GPC2: variants seen among roughly 807,000 people sequenced by gnomAD.
GPC2 encodes the protein glypican 2.
A neutral mutation model predicts 57.3 loss-of-function variants in GPC2; 42 were observed. The observed-to-expected ratio is 0.73, with a 90% confidence interval of 0.57 to 0.95. GPC2 has a LOEUF of 0.95. GPC2 is among the 40% of genes least tolerant of loss of function. The pLI is 0.00. For synonymous variants in GPC2, 364 were observed against 343.4 expected, an observed-to-expected ratio of 1.06 and a Z score of -0.66; for missense variants, 745 against 793.6, an observed-to-expected ratio of 0.94 and a Z score of 0.74.
rs759375084 is a variant in GPC2 at position 100,171,894 on chromosome 7, A to C, written c.1055T>G (p.Val352Gly). The C allele has an allele frequency of 2.1e-5, 32 of 1,506,146 alleles. No homozygotes were observed. In the African/African-American group the frequency reaches 3.6e-4, roughly 17 times the overall value. The allele number at this position is 1,506,146 out of a possible 1,614,324, so 93.3% of individuals were successfully genotyped here. ...CGGGGCTCGACGGTTGCGGGCAGGC[A>C]CCGGGTCGGGGGGGCCGCACTCCTG... The part of the protein sequence containing the change: ...VFQECGPPDP[V>G]PARNRRAPPP... The change falls in exon 7 of 10, where the codon GTG (valine) becomes GGG (glycine). Residue 352 changes from valine (V) to glycine (G), a missense_variant. This residue lies in a region of GPC2 where 607 missense variants were observed against 603.9 expected (regional missense o/e 1.01). Transcript: ENST00000292377. This position sits in a 1 kb window ranked among gnomAD's most constrained non-coding sequence, Gnocchi z 4.8.
chr7:100,170,452 C>G lies in GPC2; in HGVS notation c.1518G>C (p.Gln506His). 6.4e-7 allele frequency: 1 copy of G among 1,572,724 alleles called. No individual in the cohort carries two copies. Among genetic ancestry groups the G allele is most frequent in the Non-Finnish European group, 8.6e-7 (1 of 1,156,364 alleles). Residue 506 changes from glutamine to histidine, a missense_variant, in exon 10 of 10, where the codon CAG becomes CAC. This residue lies in a region of GPC2 where 607 missense variants were observed against 603.9 expected (regional missense o/e 1.01). Transcript: ENST00000292377. ...DEDASGSGGG[Q>H]QYADDWMAGA... ...CAGCCATCCAGTCATCTGCATACTG[C>G]TGTCCCCCTCCAGAGCCGCTGGCAT...
chr7:100,171,055 C>G lies in GPC2; in HGVS notation c.1486+206G>C. 2.1e-6 allele frequency: 1 copy of G among 475,654 alleles called. No individual in the cohort carries two copies. Among genetic ancestry groups the G allele is most frequent in the African/African-American group, 2.0e-5 (1 of 49,128 alleles). The allele number at this position is 475,654 out of a possible 1,614,324, so 29.5% of individuals were successfully genotyped here. A position where few individuals can be genotyped will look rare whatever the true frequency, so the allele number is the denominator to read the frequency against. ...GTTCTTTAAGAATGTTTTCGTGTCT[C>G]CCCTACTGGCCTGAAAGGATACAGA... On this transcript the variant is annotated intron_variant, in intron 9 of 9. Transcript: ENST00000292377. The surrounding 1 kb of genome is among the most constrained non-coding windows in gnomAD (Gnocchi z 4.8).
Position 100,172,659 on chromosome 7 carries a change from GTA to G in GPC2, c.893-444_893-443del, listed in dbSNP as rs1236556611. Among the ~76,000 whole-genome samples, 523 of 130,216 alleles carry G rather than the reference GTA, an allele frequency of 4.0e-3. 5 individuals are homozygous for G. The highest frequency in any genetic ancestry group is 0.013 in the African/African-American group (475 of 37,220). 85.4% of individuals were successfully genotyped at this position (130,216 alleles called of 152,430 possible). Reference sequence around the variant, plus strand: ...TTTGTATATATATATATGTGTGTGTGTATATATATATATGTGTGTGTGTGTGT... The same window carrying G: ...TTTGTATATATATATATGTGTGTGTGTATATATATATGTGTGTGTGTGTGT... On this transcript the variant is annotated intron_variant, in intron 5 of 9. Coordinates refer to ENST00000292377, the MANE Select transcript of GPC2 (RefSeq NM_152742.3).
At chr7:100,170,518 G>A in intron 9 of GPC2, 35 bp from the exon 10 acceptor site, 1 of 1,438,574 alleles carries the variant, frequency 7.0e-7, no homozygotes, top group Non-Finnish European at 9.2e-7. Context: ...CAGGATGGGA[G>A]GGAGAAGCAG....
In GPC2 at chr7:100,176,427, C is replaced by T. The variant is rs1006717280; in HGVS notation, c.167-62G>A. 5.4e-5 allele frequency: 82 copies of T among 1,504,840 alleles called. No individual in the cohort carries two copies. The Admixed American group carries it at 8.3e-4, about 15-fold the overall frequency. 93.2% of individuals were successfully genotyped at this position (1,504,840 alleles called of 1,614,324 possible). ...ATATCCTAAAATCCCTTCCATTTCC[C>T]GCCTATCTCTGGGGACTATGCCTTC... On this transcript the variant is annotated intron_variant, in intron 1 of 9. Coordinates refer to ENST00000292377, the MANE Select transcript of GPC2 (RefSeq NM_152742.3).
In GPC2 at chr7:100,171,655, C is replaced by G. The variant is rs1351624945; in HGVS notation, c.1194G>C (p.Leu398=). ...HRLVWELRER[L]ARMRGFWARL... ...GGGCCCAGAAGCCCCGCATCCGGGCCAGACGCTCGCGGAGCTCCCACACCT... is the reference window on the plus strand; with the variant it reads ...GGGCCCAGAAGCCCCGCATCCGGGCGAGACGCTCGCGGAGCTCCCACACCT... The change falls in exon 8 of 10, where the codon CTG becomes CTC. Residue 398 remains leucine (L), a synonymous_variant. Coordinates refer to ENST00000292377, the MANE Select transcript of GPC2 (RefSeq NM_152742.3). This position sits in a 1 kb window ranked among gnomAD's most constrained non-coding sequence, Gnocchi z 4.8. 1 of 1,513,616 alleles carries G rather than the reference C, an allele frequency of 6.6e-7. No individual in the cohort carries two copies. The highest frequency in any genetic ancestry group is 8.8e-7 in the Non-Finnish European group (1 of 1,141,924). The allele number at this position is 1,513,616 out of a possible 1,614,324, so 93.8% of individuals were successfully genotyped here.
chr7:100,170,070 T>C lies in GPC2; in HGVS notation c.*160A>G. 8.9e-6 allele frequency: 5 copies of C among 560,990 alleles called. No individual in the cohort carries two copies. Among genetic ancestry groups the C allele is most frequent in the Non-Finnish European group, 8.9e-6 (3 of 336,020 alleles). 34.8% of individuals were successfully genotyped at this position (560,990 alleles called of 1,614,324 possible). A position where few individuals can be genotyped will look rare whatever the true frequency, so the allele number is the denominator to read the frequency against. Reference sequence around the variant, plus strand: ...TAAATATTGTGAACACCCACCCACCTCTGATGAAAATCTCCTGGATTTGGG... The same window carrying C: ...TAAATATTGTGAACACCCACCCACCCCTGATGAAAATCTCCTGGATTTGGG... On this transcript the variant is annotated 3_prime_UTR_variant, in exon 10 of 10. Transcript: ENST00000292377.
chr7:100,171,396 C>T lies in GPC2; in HGVS notation c.1351G>A (p.Val451Ile). ...PVVGGSPAEQ[V>I]NNPELKVDAS... ...TCCACCTTGAGCTCGGGGTTGTTGA[C>T]CTGCTCGGCCGGGGAGCCCCCGACC... The change falls in exon 9 of 10, where the codon GTC (valine) becomes ATC (isoleucine). Residue 451 changes from valine to isoleucine, a missense_variant. Coordinates refer to ENST00000292377, the MANE Select transcript of GPC2 (RefSeq NM_152742.3). This position sits in a 1 kb window ranked among gnomAD's most constrained non-coding sequence, Gnocchi z 4.8. The T allele has an allele frequency of 6.6e-7, 1 of 1,508,980 alleles. No homozygotes were observed. 93.5% of individuals were successfully genotyped at this position (1,508,980 alleles called of 1,614,324 possible).
chr7:100,170,163 G>T lies in GPC2; in HGVS notation c.*67C>A. The T allele has an allele frequency of 6.9e-7, 1 of 1,458,170 alleles. No homozygotes were observed. The highest frequency in any genetic ancestry group is 1.4e-5 in the South Asian group (1 of 71,444). The allele number at this position is 1,458,170 out of a possible 1,614,324, so 90.3% of individuals were successfully genotyped here. The stretch of plus-strand genomic sequence containing the variant: ...GCAGCCCCCTTCGACTCCTCCCCAG[G>T]CCCAGCTGAGGGGGGAGGAGGGGAA... On this transcript the variant is annotated 3_prime_UTR_variant, in exon 10 of 10. Coordinates refer to ENST00000292377, the MANE Select transcript of GPC2 (RefSeq NM_152742.3).
rs1251829478 is a variant in GPC2 at position 100,171,845 on chromosome 7, C to A, written c.1104G>T (p.Arg368=). 2.4e-5 allele frequency: 38 copies of A among 1,556,362 alleles called. No individual in the cohort carries two copies. Among genetic ancestry groups the A allele is most frequent in the Non-Finnish European group, 3.2e-5 (37 of 1,159,266 alleles). Residue 368 remains arginine (R), a synonymous_variant, in exon 7 of 10, where the codon CGG becomes CGT. Coordinates refer to ENST00000292377, the MANE Select transcript of GPC2 (RefSeq NM_152742.3). The surrounding 1 kb of genome is among the most constrained non-coding windows in gnomAD (Gnocchi z 4.8). ...RAPPPREEAG[R]LWSMVTEEER... The stretch of plus-strand genomic sequence containing the variant: ...CCTCCTCGGTCACCATCGACCACAG[C>A]CGGCCCGCCTCTTCCCGGGGCGGCG...
In GPC2 at chr7:100,171,889, C is replaced by A; in HGVS notation, c.1060G>T (p.Ala354Ser). The A allele has an allele frequency of 6.6e-7, 1 of 1,511,286 alleles. No homozygotes were observed. Among genetic ancestry groups the A allele is most frequent in the Non-Finnish European group, 8.8e-7 (1 of 1,135,880 alleles). The allele number at this position is 1,511,286 out of a possible 1,614,324, so 93.6% of individuals were successfully genotyped here. Residue 354 changes from alanine to serine, a missense_variant, in exon 7 of 10, where the codon GCC becomes TCC. Ala to Ser is a moderately conservative substitution (Grantham distance 99). Around this residue, in one of 2 missense-constraint regions of GPC2, gnomAD observed 607 missense variants for 603.9 expected, o/e 1.01. Coordinates refer to ENST00000292377, the MANE Select transcript of GPC2 (RefSeq NM_152742.3). This position sits in a 1 kb window ranked among gnomAD's most constrained non-coding sequence, Gnocchi z 4.8. Reference sequence around the variant, plus strand: ...GGCGGCGGGGCTCGACGGTTGCGGGCAGGCACCGGGTCGGGGGGGCCGCAC... The same window carrying A: ...GGCGGCGGGGCTCGACGGTTGCGGGAAGGCACCGGGTCGGGGGGGCCGCAC... The part of the protein sequence containing the change: ...QECGPPDPVP[A>S]RNRRAPPPRE...
At chr7:100,176,429 C>G (rs1799283371) in intron 1 of GPC2, 64 bp from the exon 2 acceptor site, 2 of 1,495,510 alleles carry the variant, frequency 1.3e-6, no homozygotes. Context: ...CCATTTCCCG[C>G]CTATCTCTGG....
chr7:100,174,852 T>G (rs1352665305), intron 3 of GPC2, 87 bp from the exon 4 acceptor site: 3 of 1,000,916 alleles, frequency 3.0e-6, no homozygotes, highest in Non-Finnish European at 4.6e-6. Flanking sequence ...TCAAGAGCAG[T>G]GAGGGTTGGG....
Position 100,171,211 on chromosome 7 carries a change from G to T in GPC2, c.1486+50C>A. 1 of 1,453,338 alleles carries T rather than the reference G, an allele frequency of 6.9e-7. No individual in the cohort carries two copies. The highest frequency in any genetic ancestry group is 9.2e-7 in the Non-Finnish European group (1 of 1,092,832). The allele number at this position is 1,453,338 out of a possible 1,614,324, so 90.0% of individuals were successfully genotyped here. On this transcript the variant is annotated intron_variant, in intron 9 of 9. Transcript: ENST00000292377. The surrounding 1 kb of genome is among the most constrained non-coding windows in gnomAD (Gnocchi z 4.8). The stretch of plus-strand genomic sequence containing the variant: ...GCGGGAACTACCAGGAGAGGGGAGA[G>T]GCTTCAGGGCAGTGGGCGGGGCTCA...
At chr7:100,173,622 T>G in intron 5 of GPC2, 1 of 377,934 alleles carries the variant, frequency 2.6e-6, no homozygotes, top group African/African-American at 2.1e-5. Context: ...TTTTCTTTCT[T>G]TCCTTCCTTC....
chr7:100,175,949 A>G (rs1584633129), intron 2 of GPC2, 55 bp from the exon 3 acceptor site: 1 of 1,437,252 alleles, frequency 7.0e-7, no homozygotes, highest in East Asian at 2.3e-5. Context: ...GAATGGGGAG[A>G]AAAGTGAACA....
Position 100,175,780 on chromosome 7 carries a change from C to T in GPC2, c.440G>A (p.Arg147Gln), listed in dbSNP as rs765896651. ...HALIFNGLFS[R>Q]LRDFYGESGE... ...AGATTCCCCATAGAAGTCTCGCAGC[C>T]GAGAGAACAGGCCATTGAATATGAG... is the stretch of plus-strand genomic sequence containing the variant. Residue 147 changes from arginine to glutamine, a missense_variant, in exon 3 of 10, where the codon CGG becomes CAG. By Grantham distance (43) the Arg-to-Gln change is conservative. Coordinates refer to ENST00000292377, the MANE Select transcript of GPC2 (RefSeq NM_152742.3). 10 of 1,613,954 alleles carry T rather than the reference C, an allele frequency of 6.2e-6. No homozygotes were observed. Among genetic ancestry groups the T allele is most frequent in the East Asian group, 2.2e-5 (1 of 44,860 alleles).
At chr7:100,174,664 C>T (rs1261952886) in intron 4 of GPC2, 21 bp downstream of exon 4, 3 of 1,562,208 alleles carry the variant, frequency 1.9e-6, no homozygotes, top group Non-Finnish European at 2.6e-6. Flanking sequence ...GGGCCCTGCC[C>T]ATACTCAGGC....
rs1187842084 is a variant in GPC2, at chr7:100,175,656, G to A, written c.564C>T (p.Tyr188=). The A allele has an allele frequency of 6.2e-7, 1 of 1,614,036 alleles. No individual in the cohort carries two copies. Among genetic ancestry groups the A allele is most frequent in the Non-Finnish European group, 8.5e-7 (1 of 1,180,016 alleles). The change falls in exon 3 of 10, where the codon TAC becomes TAT. Residue 188 remains tyrosine (Y), a synonymous_variant. Transcript: ENST00000292377. ...AGGCCAAGCGTGAGAGGCAGAGCAG[G>A]TAGTCAGGGGGGAAGCTGTACTGTG... ...LHPQYSFPPD[Y]LLCLSRLASS...
Sources: gnomAD v4.1 joint callset for allele counts (sites outside exome capture counted in the v4.1 genomes callset) on GRCh38, gnomAD v4.1.1 for gene constraint, gnomAD v4.1.1 regional missense constraint, Gnocchi (gnomAD v3.1) non-coding constraint, MANE v1.5 for transcripts, NCBI Gene and HGNC (gene_info 2026-07-23, HGNC 2026-07-21) for gene names.